Variants in ARHGAP15 observed in about 807,000 individuals in gnomAD.
ARHGAP15 encodes the protein Rho GTPase activating protein 15.
Under a neutral mutation model 63.7 loss-of-function variants are expected in ARHGAP15, and 51 were observed. The observed-to-expected ratio is 0.80, with a 90% confidence interval of 0.64 to 1.01. ARHGAP15 has a LOEUF of 1.01. ARHGAP15 is among the 50% of genes least tolerant of loss of function. The pLI is 0.00. For synonymous variants in ARHGAP15, 191 were observed against 193.8 expected (o/e 0.99, Z 0.12); for missense variants, 560 against 564.6 (o/e 0.99, Z 0.08).
chr2:143,238,926 G>A (rs1036288798), intron 5 of ARHGAP15, among the ~76,000 whole-genome samples: 1 of 152,106 alleles, frequency 6.6e-6, no homozygotes, highest in Non-Finnish European at 1.5e-5. Context: ...ATTATCCTTA[G>A]CAAACTAACA....
chr2:143,712,729 C>T (rs1684634902), intron 13 of ARHGAP15, among the ~76,000 whole-genome samples: 1 of 151,980 alleles, frequency 6.6e-6, no homozygotes, highest in Non-Finnish European at 1.5e-5. Flanking sequence ...CCTAGAATAA[C>T]CTCAGCTTAA....
intron 6 of ARHGAP15, among the ~76,000 whole-genome samples, chr2:143,370,178 C>T (rs1686482816): frequency 6.6e-6 from 1 of 152,100 alleles, no homozygotes; most frequent in South Asian, 2.1e-4. Context: ...TGCAAGCATA[C>T]CAATTTCCCC....
intron 6 of ARHGAP15, among the ~76,000 whole-genome samples, chr2:143,414,182 A>C (rs1558955211): frequency 2.0e-5 from 3 of 151,486 alleles, no homozygotes; most frequent in Non-Finnish European, 4.4e-5. Context: ...ACCCCAAAGA[A>C]AATGTACTAA....
chr2:143,664,369 C>A (rs1261319851), intron 12 of ARHGAP15, among the ~76,000 whole-genome samples: 2 of 151,532 alleles, frequency 1.3e-5, no homozygotes, highest in African/African-American at 4.9e-5. Context: ...TTGAAACCAA[C>A]GAGAACAAAG....
At chr2:143,436,315 C>A (rs950728885) in intron 7 of ARHGAP15, among the ~76,000 whole-genome samples, 3 of 152,130 alleles carry the variant, frequency 2.0e-5, no homozygotes, top group Admixed American at 1.3e-4. Flanking sequence ...AAGAAATATT[C>A]TTAATACGGA....
chr2:143,418,028 A>G (rs1688761424), intron 6 of ARHGAP15, among the ~76,000 whole-genome samples: 1 of 152,230 alleles, frequency 6.6e-6, no homozygotes, highest in Non-Finnish European at 1.5e-5. Flanking sequence ...AACTAATAGG[A>G]ATAGTATATT....
At chr2:143,442,609 C>A (rs965604644) in intron 8 of ARHGAP15, among the ~76,000 whole-genome samples, 2 of 152,002 alleles carry the variant, frequency 1.3e-5, no homozygotes, top group Non-Finnish European at 2.9e-5. Context: ...GCTTTTGTAG[C>A]ATTAATGGGA....
At chr2:143,696,505 C>T (rs1574853585) in intron 12 of ARHGAP15, among the ~76,000 whole-genome samples, 1 of 151,960 alleles carries the variant, frequency 6.6e-6, no homozygotes, top group East Asian at 1.9e-4. Context: ...CTCCTAAGAG[C>T]ATGCTGTACA....
intron 5 of ARHGAP15, among the ~76,000 whole-genome samples, chr2:143,235,152 G>A (rs756409739): frequency 1.4e-4 from 21 of 151,746 alleles, no homozygotes; most frequent in Non-Finnish European, 2.9e-4. Flanking sequence ...CTACATATAA[G>A]GCATAGAGAT....
At chr2:143,319,800 TAATA>T (rs901579448) in intron 6 of ARHGAP15, among the ~76,000 whole-genome samples, 13 of 152,252 alleles carry the variant, frequency 8.5e-5, no homozygotes, top group East Asian at 1.9e-4. Context: ...TAAACAAAAA[TAATA>T]AATAACAGGT....
intron 9 of ARHGAP15, among the ~76,000 whole-genome samples, chr2:143,503,454 G>A (rs1693164815): frequency 6.6e-6 from 1 of 152,170 alleles, no homozygotes; most frequent in Admixed American, 6.5e-5. Flanking sequence ...TACTTGTTTT[G>A]TGAATTTGGG....
intron 13 of ARHGAP15, among the ~76,000 whole-genome samples, chr2:143,718,618 AC>A (rs1684914346): frequency 6.6e-6 from 1 of 151,978 alleles, no homozygotes; most frequent in Non-Finnish European, 1.5e-5. Context: ...TCTATATCCT[AC>A]CCATATTCTT....
chr2:143,550,335 C>G (rs1695499780), intron 10 of ARHGAP15, among the ~76,000 whole-genome samples: 1 of 152,056 alleles, frequency 6.6e-6, no homozygotes, highest in African/African-American at 2.4e-5. Context: ...AGAAAACAGT[C>G]AGATGGGTAA....
chr2:143,375,504 T>C (rs901978380), intron 6 of ARHGAP15, among the ~76,000 whole-genome samples: 3 of 152,108 alleles, frequency 2.0e-5, no homozygotes, highest in African/African-American at 7.2e-5. Context: ...CTCTTGCACA[T>C]GTGGAATGTC....
intron 6 of ARHGAP15, among the ~76,000 whole-genome samples, chr2:143,276,544 G>A (rs1343293788): frequency 6.6e-6 from 1 of 152,110 alleles, no homozygotes; most frequent in Non-Finnish European, 1.5e-5. Flanking sequence ...GACATTTTTT[G>A]TTAACTGGCA....
intron 11 of ARHGAP15, among the ~76,000 whole-genome samples, chr2:143,593,939 T>G (rs1697413033): frequency 6.6e-6 from 1 of 152,218 alleles, no homozygotes; most frequent in Non-Finnish European, 1.5e-5. Flanking sequence ...ATTGGTATTC[T>G]AAGTATTCAT....
chr2:143,350,913 T>C (rs1323897159), intron 6 of ARHGAP15: 1 of 151,440 alleles, frequency 6.6e-6, no homozygotes, highest in Non-Finnish European at 1.5e-5. Context: ...ATAGGAAATA[T>C]TCAGCCAATT....
chr2:143,577,232 T>TA (rs1195272211), intron 11 of ARHGAP15, among the ~76,000 whole-genome samples: 2 of 152,170 alleles, frequency 1.3e-5, no homozygotes, highest in Non-Finnish European at 2.9e-5. Context: ...CACACTCGTG[T>TA]ACCATTCCTC....
chr2:143,581,318 G>T (rs1408990364), intron 11 of ARHGAP15, among the ~76,000 whole-genome samples: 1 of 152,042 alleles, frequency 6.6e-6, no homozygotes, highest in Non-Finnish European at 1.5e-5. Flanking sequence ...TGTGCCAGCT[G>T]GTACATGGCT....
Sources: gnomAD v4.1 joint callset for allele counts (sites outside exome capture counted in the v4.1 genomes callset) on GRCh38, gnomAD v4.1.1 for gene constraint, MANE v1.5 for transcripts, NCBI Gene and HGNC (gene_info 2026-07-23, HGNC 2026-07-21) for gene names.